Variants in CALD1 observed in about 807,000 individuals in gnomAD.
The protein encoded by CALD1 is caldesmon 1, also known as caldesmon.
In CALD1, 33 loss-of-function variants were observed where a neutral mutation model predicts 99.9. The ratio of observed to expected loss-of-function variants is 0.33; its 90% CI spans 0.25 to 0.44. The LOEUF (loss-of-function observed/expected upper bound fraction) is 0.44. Ranked by LOEUF, CALD1 falls within the 20% of genes least tolerant of loss-of-function variation. CALD1 has a pLI of 1.00. For missense variants in CALD1, 861 were observed against 962.1 expected (o/e 0.89, Z 1.39); for synonymous variants, 310 against 325.0 (o/e 0.95, Z 0.50).
intron 3 of CALD1, among the ~76,000 whole-genome samples, chr7:134,895,243 T>C (rs960198306): frequency 3.3e-5 from 5 of 151,982 alleles, no homozygotes; most frequent in African/African-American, 7.2e-5. Context: ...TTCAATGTTA[T>C]CAGGAAATGT....
At position 134,758,088 on chromosome 7, in the gene CALD1, C is replaced by T. The variant is rs567069227; in HGVS notation, c.-130+13725C>T. 2.6e-5 allele frequency among the ~76,000 whole-genome samples: 4 copies of T among 152,202 alleles called. No homozygotes were observed. In the East Asian group the frequency reaches 7.7e-4, roughly 29 times the overall value. ...GCAAACACAGTTTACGTGGGCCCAC[C>T]CAGAAACTTTCTACAAGTACATTCC... On this transcript the variant is annotated intron_variant, in intron 1 of 13. Transcript: ENST00000417172.
chr7:134,962,840 C>T (rs1320965660), intron 13 of CALD1: 1 of 456,500 alleles, frequency 2.2e-6, no homozygotes, highest in Non-Finnish European at 4.4e-6. Context: ...GTTCCTCACT[C>T]TTTGGTCTCT....
intron 1 of CALD1, among the ~76,000 whole-genome samples, chr7:134,838,197 C>T (rs771138053): frequency 6.6e-6 from 1 of 152,110 alleles, no homozygotes; most frequent in African/African-American, 2.4e-5. Flanking sequence ...TATCTGTATA[C>T]ATTTCCATAT....
rs560590629 is a variant in CALD1, at chr7:134,887,060, T to C, written c.71+19256T>C. On this transcript the variant is annotated intron_variant, in intron 3 of 14. Coordinates refer to ENST00000361675, the MANE Select transcript of CALD1 (RefSeq NM_033138.4). ...ACAGTGTCACAACCCAAGCCCCTATTACAGGCCTAGAGACAGATGAGGCAA... is the reference window on the plus strand; with the variant it reads ...ACAGTGTCACAACCCAAGCCCCTATCACAGGCCTAGAGACAGATGAGGCAA... Among the ~76,000 whole-genome samples the C allele has an allele frequency of 3.9e-5, 6 of 152,244 alleles. No individual in the cohort carries two copies. The South Asian group carries it at 1.0e-3, about 26-fold the overall frequency.
At chr7:134,918,999 A>G (rs1586303700) in intron 3 of CALD1, among the ~76,000 whole-genome samples, 1 of 152,220 alleles carries the variant, frequency 6.6e-6, no homozygotes, top group Non-Finnish European at 1.5e-5. Context: ...ACTTGTCTCA[A>G]TAAGTAAATA....
At chr7:134,935,566 G>A in intron 5 of CALD1, 122 bp from the exon 6 acceptor site, 1 of 1,471,156 alleles carries the variant, frequency 6.8e-7, no homozygotes, top group South Asian at 1.4e-5. Context: ...TGAGCGCTGA[G>A]ACGGCAGAAG....
chr7:134,906,814 C>A (rs1803420230), intron 3 of CALD1, among the ~76,000 whole-genome samples: 1 of 152,102 alleles, frequency 6.6e-6, no homozygotes, highest in Non-Finnish European at 1.5e-5. Flanking sequence ...GCCCTGATAC[C>A]CTTTGTTTAC....
chr7:134,875,163 G>A (rs969660798), intron 3 of CALD1, among the ~76,000 whole-genome samples: 2 of 152,168 alleles, frequency 1.3e-5, no homozygotes, highest in Non-Finnish European at 2.9e-5. Context: ...CACTCCAGGG[G>A]ACAAAAGAAA....
upstream of CALD1, among the ~76,000 whole-genome samples, chr7:134,774,838 G>A (rs1467777444): frequency 6.6e-6 from 1 of 151,992 alleles, no homozygotes; most frequent in Non-Finnish European, 1.5e-5. Flanking sequence ...ATTCCTTTCA[G>A]GTACTCTTTG....
rs763955638 is a variant in CALD1 at position 134,928,952 on chromosome 7, G to A, written c.218+52G>A. On this transcript the variant is annotated intron_variant, in intron 4 of 14. Coordinates refer to ENST00000361675, the MANE Select transcript of CALD1 (RefSeq NM_033138.4). ...TTCTAACTTGCGTCTTAGCCTGTCCGTTGAATGGAATTTGTTGAGCAGAGC... is the reference window on the plus strand; with the variant it reads ...TTCTAACTTGCGTCTTAGCCTGTCCATTGAATGGAATTTGTTGAGCAGAGC... 4.3e-5 allele frequency: 64 copies of A among 1,479,166 alleles called. No individual in the cohort carries two copies. The Middle Eastern group carries it at 9.3e-4, about 21-fold the overall frequency. 91.6% of individuals were successfully genotyped at this position (1,479,166 alleles called of 1,614,324 possible).
intron 1 of CALD1, among the ~76,000 whole-genome samples, chr7:134,747,041 T>C (rs1424154871): frequency 6.6e-6 from 1 of 152,040 alleles, no homozygotes; most frequent in Non-Finnish European, 1.5e-5. Context: ...CTTAGTCTAT[T>C]CATATTGAAA....
intron 7 of CALD1, among the ~76,000 whole-genome samples, chr7:134,941,720 G>T (rs1806458464): frequency 1.3e-5 from 2 of 152,152 alleles, no homozygotes; most frequent in South Asian, 4.1e-4. Flanking sequence ...ACTGGATTAA[G>T]CTAAATTCCT....
intron 1 of CALD1, among the ~76,000 whole-genome samples, chr7:134,821,269 C>A (rs1490233943): frequency 1.4e-5 from 2 of 138,614 alleles, no homozygotes; most frequent in Non-Finnish European, 3.2e-5. Context: ...ACAACAAGCC[C>A]AGTCTTTTAG....
intron 7 of CALD1, chr7:134,944,600 T>A (rs1806713589): frequency 2.0e-5 from 3 of 152,148 alleles, no homozygotes; most frequent in Admixed American, 2.0e-4. Context: ...TTATTCTTCC[T>A]CTTGTTTCAC....
intron 7 of CALD1, among the ~76,000 whole-genome samples, chr7:134,946,822 A>C (rs1294366252): frequency 6.6e-6 from 1 of 151,646 alleles, no homozygotes; most frequent in Non-Finnish European, 1.5e-5. Context: ...CTGGGACCAC[A>C]GGCACACGCC....
the CALD1 span, among the ~76,000 whole-genome samples, chr7:134,735,310 A>G: frequency 2.0e-5 from 3 of 152,218 alleles, no homozygotes; most frequent in Non-Finnish European, 4.4e-5. Flanking sequence ...AAATGTAGAT[A>G]CATTCATCTG....
intron 3 of CALD1, among the ~76,000 whole-genome samples, chr7:134,874,116 G>C (rs946686711): frequency 6.6e-6 from 1 of 152,104 alleles, no homozygotes; most frequent in Non-Finnish European, 1.5e-5. Context: ...ACCAGTTTAA[G>C]TTATTTTTAA....
intron 1 of CALD1, among the ~76,000 whole-genome samples, chr7:134,824,799 T>C (rs779535503): frequency 3.3e-4 from 51 of 152,316 alleles, no homozygotes; most frequent in Middle Eastern, 6.8e-3. Context: ...TGATAACTTC[T>C]CAACAGAAGG....
chr7:134,815,222 C>G (rs897694859), intron 1 of CALD1, among the ~76,000 whole-genome samples: 4 of 151,958 alleles, frequency 2.6e-5, no homozygotes, highest in Admixed American at 2.0e-4. Context: ...CCAACACACA[C>G]TAATATGGTT....
Sources: allele counts gnomAD v4.1 joint callset (sites outside exome capture counted in the v4.1 genomes callset), GRCh38; gene constraint gnomAD v4.1.1; transcripts MANE v1.5; gene names NCBI Gene and HGNC (gene_info 2026-07-23, HGNC 2026-07-21).